The following CDH1 variants were observed in gnomAD, a reference collection of about 807,000 sequenced individuals.
The protein encoded by CDH1 is cadherin 1.
CDH1 carries 35 observed loss-of-function variants against 84.5 expected under a neutral mutation model. The ratio of observed to expected loss-of-function variants is 0.41; its 90% CI spans 0.32 to 0.55. The LOEUF is 0.55. Ranked by LOEUF, CDH1 falls within the 20% of genes least tolerant of loss-of-function variation. The pLI, the probability that CDH1 is intolerant of heterozygous loss-of-function variation, is 0.19. For missense variants in CDH1, 994 were observed against 1,126.6 expected, an observed-to-expected ratio of 0.88 and a Z score of 1.68; for synonymous variants, 417 against 439.0, an observed-to-expected ratio of 0.95 and a Z score of 0.63.
chr16:68,761,470 G>A (rs764252180), intron 2 of CDH1, among the ~76,000 whole-genome samples: 1 of 152,206 alleles, frequency 6.6e-6, no homozygotes, highest in Non-Finnish European at 1.5e-5. Flanking sequence ...GGGCTGTTAT[G>A]CGCCAAGCAC....
Position 68,793,724 on chromosome 16 carries a change from C to G in CDH1, c.164-7946C>G, listed in dbSNP as rs34947967. On this transcript the variant is annotated intron_variant, in intron 2 of 15. Coordinates refer to ENST00000261769, the MANE Select transcript of CDH1 (RefSeq NM_004360.5). ...CTGACCAAGAGGTGAAACCTCGTCT[C>G]TAGTGAAAAAATACAAAATTAGCTG... 5.5e-3 allele frequency among the ~76,000 whole-genome samples: 842 copies of G among 152,230 alleles called. 6 individuals carry two copies. The highest frequency in any genetic ancestry group is 0.02 in the African/African-American group (815 of 41,540).
intron 2 of CDH1, among the ~76,000 whole-genome samples, chr16:68,798,511 T>C (rs2010724): frequency 0.42 from 63,994 of 152,002 alleles, 15,049 homozygotes; most frequent in African/African-American, 0.64. Flanking sequence ...TTGGGGCTCC[T>C]CGTCATACTG....
At chr16:68,804,313 C>T (rs1960594220) in intron 3 of CDH1, among the ~76,000 whole-genome samples, 1 of 151,856 alleles carries the variant, frequency 6.6e-6, no homozygotes, top group Non-Finnish European at 1.5e-5. Flanking sequence ...CGGGGTTTCA[C>T]CGTGTTAGCC....
At position 68,738,464 on chromosome 16, in the gene CDH1, G is replaced by C; in HGVS notation, c.163+53G>C. 3 of 1,330,798 alleles carry C rather than the reference G, an allele frequency of 2.3e-6. 1 individual carries two copies. In the South Asian group the frequency reaches 3.9e-5, roughly 17 times the overall value. The allele number at this position is 1,330,798 out of a possible 1,614,324, so 82.4% of individuals were successfully genotyped here. The stretch of plus-strand genomic sequence containing the variant: ...GCGGAGTAGGGAGGGGTTGGAAAGG[G>C]GCCGAGAAATTGCACTCCCACACCC... On this transcript the variant is annotated intron_variant, in intron 2 of 15. Transcript: ENST00000261769.
intron 3 of CDH1, among the ~76,000 whole-genome samples, chr16:68,806,138 TTATTTATTTATTTATTTA>T (rs1428076783): frequency 3.3e-5 from 4 of 122,304 alleles, no homozygotes; most frequent in Non-Finnish European, 7.7e-5. Context: ...ATTTATTTAT[TTATTTATTTATTTATTTA>T]TTTATTTATT....
At chr16:68,826,059 G>T (rs1961314779) in intron 13 of CDH1, among the ~76,000 whole-genome samples, 1 of 151,956 alleles carries the variant, frequency 6.6e-6, no homozygotes, top group African/African-American at 2.4e-5. Flanking sequence ...GTCTCAACCA[G>T]TCCTCCCACC....
rs1057517618 is a variant in CDH1 at position 68,738,281 on chromosome 16, C to G, written c.49-16C>G. The G allele has an allele frequency of 6.6e-6, 10 of 1,515,018 alleles. No homozygotes were observed. In the East Asian group the frequency reaches 2.4e-4, roughly 37 times the overall value. 93.8% of individuals were successfully genotyped at this position (1,515,018 alleles called of 1,614,324 possible). ...CTCCGAGTCACCCGGTTCCATCTAC[C>G]TTTCCCCCACCCCAGGTCTCCTCTT... On this transcript the variant is annotated splice_polypyrimidine_tract_variant and intron_variant, in intron 1 of 15. Coordinates refer to ENST00000261769, the MANE Select transcript of CDH1 (RefSeq NM_004360.5).
intron 2 of CDH1, among the ~76,000 whole-genome samples, chr16:68,794,776 T>G (rs1960313506): frequency 6.7e-6 from 1 of 149,062 alleles, no homozygotes; most frequent in Non-Finnish European, 1.5e-5. Flanking sequence ...AAGCTCCGAC[T>G]CCCAGGTTCA....
At chr16:68,798,724 T>C (rs1960424593) in intron 2 of CDH1, among the ~76,000 whole-genome samples, 1 of 152,234 alleles carries the variant, frequency 6.6e-6, no homozygotes, top group Non-Finnish European at 1.5e-5. Flanking sequence ...CTTCATTCCC[T>C]GTTTACATGA....
Position 68,833,293 on chromosome 16 carries a change from C to T in CDH1, c.2443C>T (p.Leu815=), listed in dbSNP as rs2152143831. The change falls in exon 16 of 16, where the codon CTG becomes TTG. Residue 815 remains leucine (L), a synonymous_variant. Transcript: ENST00000261769. ...GCTTTTGTCCCTTCTTCTTTAGAAT[C>T]TGAAAGCGGCTGATACTGACCCCAC... ...DEIGNFIDEN[L]KAADTDPTAP... 1 of 1,614,006 alleles carries T rather than the reference C, an allele frequency of 6.2e-7. No homozygotes were observed. The highest frequency in any genetic ancestry group is 1.3e-5 in the African/African-American group (1 of 75,034).
chr16:68,813,165 C>A, intron 8 of CDH1, 148 bp from the exon 9 acceptor site: 1 of 799,282 alleles, frequency 1.3e-6, no homozygotes, highest in South Asian at 1.5e-5. Flanking sequence ...TACAGTGAGC[C>A]ATGATCGCTC....
intron 3 of CDH1, among the ~76,000 whole-genome samples, chr16:68,808,168 T>C (rs1960717284): frequency 6.6e-6 from 1 of 152,238 alleles, no homozygotes; most frequent in African/African-American, 2.4e-5. Flanking sequence ...GATGATTATT[T>C]GAGCTCTGGA....
In CDH1 at chr16:68,833,841, T is replaced by C. The variant is rs1216202405; in HGVS notation, c.*342T>C. The C allele has an allele frequency of 2.5e-6, 1 of 392,564 alleles. No homozygotes were observed. The highest frequency in any genetic ancestry group is 4.7e-6 in the Non-Finnish European group (1 of 213,714). 24.3% of individuals were successfully genotyped at this position (392,564 alleles called of 1,614,324 possible). The stretch of plus-strand genomic sequence containing the variant: ...TTGCAGATTTTCTTAAGGAATTTTG[T>C]CTCACTTTTAAAAAGAAGGGGAGAA... On this transcript the variant is annotated 3_prime_UTR_variant, in exon 16 of 16. Transcript: ENST00000261769.
rs1242000398 is a variant in CDH1 at position 68,833,557 on chromosome 16, G to T, written c.*58G>T. On this transcript the variant is annotated 3_prime_UTR_variant, in exon 16 of 16. Transcript: ENST00000261769. ...TGCTGGGAAATGCAGAAATCACGTT[G>T]CTGGTGGTTTTTCAGCTCCCTTCCC... The T allele has an allele frequency of 2.1e-6, 3 of 1,417,776 alleles. No individual in the cohort carries two copies. In the African/African-American group the frequency reaches 4.2e-5, roughly 20 times the overall value. The allele number at this position is 1,417,776 out of a possible 1,614,324, so 87.8% of individuals were successfully genotyped here.
intron 10 of CDH1, among the ~76,000 whole-genome samples, chr16:68,817,163 A>G (rs576878046): frequency 2.0e-5 from 3 of 152,300 alleles, no homozygotes; most frequent in Non-Finnish European, 4.4e-5. Context: ...TTTCTCTTTC[A>G]GAGCCTTTCC....
intron 2 of CDH1, among the ~76,000 whole-genome samples, chr16:68,767,168 T>C (rs937067481): frequency 1.4e-5 from 2 of 147,866 alleles, no homozygotes; most frequent in Non-Finnish European, 3.0e-5. Context: ...AGACCATCCC[T>C]GCTCCATTTT....
chr16:68,801,066 C>T (rs1231717660), intron 2 of CDH1, among the ~76,000 whole-genome samples: 1 of 151,892 alleles, frequency 6.6e-6, no homozygotes, highest in Non-Finnish European at 1.5e-5. Context: ...TCAACCACAG[C>T]TTCTCCAGTT....
At position 68,743,281 on chromosome 16, in the gene CDH1, C is replaced by CTCTT. The variant is rs751271382; in HGVS notation, c.163+4952_163+4955dup. Among the ~76,000 whole-genome samples, 62 of 135,670 alleles carry CTCTT rather than the reference C, an allele frequency of 4.6e-4. 2 individuals carry two copies. Among genetic ancestry groups the CTCTT allele is most frequent in the Middle Eastern group, 3.6e-3 (1 of 276 alleles). The allele number at this position is 135,670 out of a possible 152,430, so 89.0% of individuals were successfully genotyped here. On this transcript the variant is annotated intron_variant, in intron 2 of 15. Coordinates refer to ENST00000261769, the MANE Select transcript of CDH1 (RefSeq NM_004360.5). ...TGTCCCAATCCAATCCTTGCTGGGT[C>CTCTT]TCTTTCTTTCTTTCTTTCTTTCTTT...
chr16:68,754,587 C>T (rs1456658275), intron 2 of CDH1, among the ~76,000 whole-genome samples: 1 of 152,170 alleles, frequency 6.6e-6, no homozygotes, highest in African/African-American at 2.4e-5. Context: ...TGTCTGGTGG[C>T]TGTTGGACTC....
Sources: allele counts gnomAD v4.1 joint callset (sites outside exome capture counted in the v4.1 genomes callset), GRCh38; gene constraint gnomAD v4.1.1; transcripts MANE v1.5; gene names NCBI Gene and HGNC (gene_info 2026-07-23, HGNC 2026-07-21).